Variants in PHF11 observed in about 807,000 individuals in gnomAD.
PHF11 encodes BRCA1 C-terminus-associated protein.
Under a neutral mutation model 40.5 loss-of-function variants are expected in PHF11, and 38 were observed. The observed-to-expected ratio is 0.94, with a 90% CI of 0.72 to 1.23. The LOEUF (loss-of-function observed/expected upper bound fraction) is 1.23. PHF11 is among the 50% of genes most tolerant of loss of function. PHF11 has a pLI of 0.00. For missense variants in PHF11, 369 were observed against 392.4 expected (o/e 0.94, Z 0.50); for synonymous variants, 127 against 138.2 (o/e 0.92, Z 0.57).
chr13:49,516,152 GGGACCCAGT>G (rs1037374206), intron 3 of PHF11, among the ~76,000 whole-genome samples: 1 of 152,146 alleles, frequency 6.6e-6, no homozygotes, highest in African/African-American at 2.4e-5. Flanking sequence ...GTCTGAAGTA[GGGACCCAGT>G]GACACTGTCA....
rs770350669 is a variant in PHF11 at position 49,520,954 on chromosome 13, A to G, written c.505+14A>G. The G allele has an allele frequency of 1.3e-5, 20 of 1,570,168 alleles. No individual in the cohort carries two copies. The highest frequency in any genetic ancestry group is 1.0e-4 in the Admixed American group (6 of 58,028). ...TCGCTCAAAGTGGTAAGTTTCTAAAATTTAGCACTGTGGGTTTTAAAGAAA... is the reference window on the plus strand; with the variant it reads ...TCGCTCAAAGTGGTAAGTTTCTAAAGTTTAGCACTGTGGGTTTTAAAGAAA... On this transcript the variant is annotated intron_variant, in intron 5 of 9. Transcript: ENST00000378319.
At chr13:49,519,873 G>A (rs1040935292) in intron 4 of PHF11, among the ~76,000 whole-genome samples, 1 of 152,200 alleles carries the variant, frequency 6.6e-6, no homozygotes, top group Admixed American at 6.5e-5. Context: ...ACTGCATGGA[G>A]GAGGTGGGAA....
rs182044117 is a variant in PHF11 at position 49,522,212 on chromosome 13, A to T, written c.570+105A>T. On this transcript the variant is annotated intron_variant, in intron 6 of 9. Coordinates refer to ENST00000378319, the MANE Select transcript of PHF11 (RefSeq NM_001040443.3). Reference sequence around the variant, plus strand: ...GGTACTTTCCAAATCGTCCAAACAGAGAGCCTTTGAAGAACATTCTTCATT... The same window carrying T: ...GGTACTTTCCAAATCGTCCAAACAGTGAGCCTTTGAAGAACATTCTTCATT... 1.3e-3 allele frequency: 797 copies of T among 605,294 alleles called. 1 individual carries two copies. Among genetic ancestry groups the T allele is most frequent in the Non-Finnish European group, 2.0e-3 (662 of 337,326 alleles). 37.5% of individuals were successfully genotyped at this position (605,294 alleles called of 1,614,324 possible).
At chr13:49,511,225 T>A in intron 2 of PHF11, among the ~76,000 whole-genome samples, 1 of 152,174 alleles carries the variant, frequency 6.6e-6, no homozygotes. Context: ...CATGTGTTAT[T>A]TCCAGTTTGG....
chr13:49,504,503 G>A (rs185553035), intron 1 of PHF11, among the ~76,000 whole-genome samples: 10,799 of 69,798 alleles, frequency 0.15, 716 homozygotes, highest in East Asian at 0.27. Flanking sequence ...CGCCCCGTCC[G>A]GGAGGTGAGG....
At chr13:49,521,369 C>T in intron 5 of PHF11, 1 of 988,664 alleles carries the variant, frequency 1.0e-6, no homozygotes, top group Non-Finnish European at 1.2e-6. Context: ...TAACTGGAGT[C>T]ATGGGGTATA....
chr13:49,496,420 C>G, intron 1 of PHF11: 4 of 1,084,892 alleles, frequency 3.7e-6, no homozygotes, highest in Non-Finnish European at 4.5e-6. Flanking sequence ...CAACCGATGT[C>G]AACTCTCCTA....
At position 49,495,974 on chromosome 13, in the gene PHF11, G is replaced by C; in HGVS notation, c.-28G>C. 6.9e-7 allele frequency: 1 copy of C among 1,456,978 alleles called. No homozygotes were observed. The highest frequency in any genetic ancestry group is 9.2e-7 in the Non-Finnish European group (1 of 1,091,268). 90.3% of individuals were successfully genotyped at this position (1,456,978 alleles called of 1,614,324 possible). On this transcript the variant is annotated 5_prime_UTR_variant, in exon 1 of 10. Coordinates refer to ENST00000378319, the MANE Select transcript of PHF11 (RefSeq NM_001040443.3). Reference sequence around the variant, plus strand: ...GGGCACTTCCGGGATCTCGCTATCCGGCCGCCACCCGCAGCTGCAGCACAG... The same window carrying C: ...GGGCACTTCCGGGATCTCGCTATCCCGCCGCCACCCGCAGCTGCAGCACAG...
chr13:49,501,064 A>G (rs1392335962), intron 1 of PHF11, among the ~76,000 whole-genome samples: 2 of 122,522 alleles, frequency 1.6e-5, no homozygotes, highest in Non-Finnish European at 3.1e-5. Context: ...CCTAGGCTGG[A>G]GTGCAATGGT....
intron 1 of PHF11, among the ~76,000 whole-genome samples, chr13:49,504,607 C>CT (rs1958956742): frequency 6.9e-6 from 1 of 144,706 alleles, no homozygotes; most frequent in African/African-American, 2.6e-5. Context: ...GTCAGCCCCC[C>CT]GCCCGGCCAG....
At position 49,520,928 on chromosome 13, in the gene PHF11, A is replaced by T. The variant is rs201791460; in HGVS notation, c.493A>T (p.Ile165Phe). Residue 165 changes from isoleucine (I) to phenylalanine (F), a missense_variant, in exon 5 of 10, where the codon ATC (isoleucine) becomes TTC (phenylalanine). Coordinates refer to ENST00000378319, the MANE Select transcript of PHF11 (RefSeq NM_001040443.3). ...LCQQHAQFPI[I>F]AQSAKFSGVK... ...CCAGCAACATGCTCAATTCCCGATC[A>T]TCGCTCAAAGTGGTAAGTTTCTAAA... 1 of 1,584,186 alleles carries T rather than the reference A, an allele frequency of 6.3e-7. No individual in the cohort carries two copies. Among genetic ancestry groups the T allele is most frequent in the Non-Finnish European group, 8.6e-7 (1 of 1,158,386 alleles).
At position 49,511,682 on chromosome 13, in the gene PHF11, G is replaced by T. The variant is rs555302887; in HGVS notation, c.217-1377G>T. The stretch of plus-strand genomic sequence containing the variant: ...GAACTTGGGGTTAGGCATATTCTGG[G>T]CTTGTTTTTTGTTTTGTTTTGTTAC... On this transcript the variant is annotated intron_variant, in intron 2 of 9. Transcript: ENST00000378319. Among the ~76,000 whole-genome samples, 20 of 152,158 alleles carry T rather than the reference G, an allele frequency of 1.3e-4. 1 individual carries two copies. Among genetic ancestry groups the T allele is most frequent in the African/African-American group, 4.3e-4 (18 of 41,514 alleles).
intron 2 of PHF11, among the ~76,000 whole-genome samples, chr13:49,508,327 A>C (rs9568228): frequency 8.1e-6 from 1 of 122,902 alleles, no homozygotes; most frequent in African/African-American, 3.6e-5. Context: ...ATAATATATT[A>C]CTATATTCAT....
At chr13:49,526,597 A>G in intron 9 of PHF11, 139 bp downstream of exon 9, 1 of 649,318 alleles carries the variant, frequency 1.5e-6, no homozygotes, top group South Asian at 1.9e-5. Flanking sequence ...GCCAATTACA[A>G]AAACAGTATG....
chr13:49,521,934 A>C (rs1959189953), intron 5 of PHF11, 109 bp from the exon 6 acceptor site: 1 of 555,476 alleles, frequency 1.8e-6, no homozygotes, highest in African/African-American at 1.9e-5. Flanking sequence ...AGTTTGCCAT[A>C]TCTTTTGACT....
At chr13:49,527,132 C>T (rs745650015) in intron 9 of PHF11, 2 of 152,044 alleles carry the variant, frequency 1.3e-5, no homozygotes, top group Admixed American at 6.5e-5. Flanking sequence ...TAGAAAATCT[C>T]GTTTGGTTTG....
intron 9 of PHF11, among the ~76,000 whole-genome samples, chr13:49,527,581 CTGTCT>C (rs1478689875): frequency 6.6e-6 from 1 of 152,188 alleles, no homozygotes; most frequent in Non-Finnish European, 1.5e-5. Flanking sequence ...AAAAGAGTGT[CTGTCT>C]TAATAGTCTT....
chr13:49,521,533 T>C, intron 5 of PHF11: 1 of 973,964 alleles, frequency 1.0e-6, no homozygotes, highest in Non-Finnish European at 1.2e-6. Flanking sequence ...ACCTCTACAA[T>C]CATTTTTCAG....
intron 4 of PHF11, 118 bp from the exon 5 acceptor site, chr13:49,520,776 T>C: frequency 1.5e-6 from 1 of 646,502 alleles, no homozygotes; most frequent in South Asian, 2.4e-5. Flanking sequence ...AAAAAAAAAC[T>C]TTAGTGTGAC....
Sources: allele counts gnomAD v4.1 joint callset (sites outside exome capture counted in the v4.1 genomes callset), GRCh38; gene constraint gnomAD v4.1.1; transcripts MANE v1.5; gene names NCBI Gene and HGNC (gene_info 2026-07-23, HGNC 2026-07-21).